The following ARPP21 variants were observed in gnomAD, a reference collection of about 807,000 sequenced individuals.
The protein encoded by ARPP21 is cAMP-regulated phosphoprotein 21.
Under a neutral mutation model 113.2 loss-of-function variants are expected in ARPP21, and 69 were observed. The ratio of observed to expected loss-of-function variants is 0.61; its 90% CI spans 0.50 to 0.74. The LOEUF (loss-of-function observed/expected upper bound fraction) is 0.74, where lower values mean the gene tolerates loss of function less well. Ranked by LOEUF, ARPP21 falls within the 30% of genes least tolerant of loss-of-function variation. The pLI is 0.00. For missense variants in ARPP21, 1,070 were observed against 1,037.4 expected, an observed-to-expected ratio of 1.03 and a Z score of -0.43; for synonymous variants, 368 against 375.5, an observed-to-expected ratio of 0.98 and a Z score of 0.23.
chr3:35,778,633 A>G (rs2096447404), intron 19 of ARPP21, among the ~76,000 whole-genome samples: 1 of 152,040 alleles, frequency 6.6e-6, no homozygotes, highest in Admixed American at 6.5e-5. Context: ...AAACCTCTTC[A>G]ATTGAATCAT....
Position 35,739,479 on chromosome 3 carries a change from A to G in ARPP21, c.1912A>G (p.Thr638Ala). 1 of 1,614,080 alleles carries G rather than the reference A, an allele frequency of 6.2e-7. No homozygotes were observed. The highest frequency in any genetic ancestry group is 8.5e-7 in the Non-Finnish European group (1 of 1,179,998). ...VIASTGQQLPTGGFSGSGPPI... is the reference protein window; with the variant it reads ...VIASTGQQLPAGGFSGSGPPI... The stretch of plus-strand genomic sequence containing the variant: ...CGCCTCTACAGGCCAGCAGCTTCCT[A>G]CAGGAGGATTCTCAGGCTCTGGCCC... The change falls in exon 18 of 21, where the codon ACA (threonine) becomes GCA (alanine). Residue 638 changes from threonine to alanine, a missense_variant. By Grantham distance (58) the Thr-to-Ala change is moderately conservative (BLOSUM62 0). Coordinates refer to ENST00000684406, the MANE Select transcript of ARPP21 (RefSeq NM_001385562.1).
chr3:35,776,713 C>G (rs1012126561), intron 19 of ARPP21, among the ~76,000 whole-genome samples: 1 of 152,100 alleles, frequency 6.6e-6, no homozygotes, highest in Non-Finnish European at 1.5e-5. Flanking sequence ...CCTCAATTTT[C>G]TCCGAATACT....
At chr3:35,662,002 C>T (rs1437710806) in intron 1 of ARPP21, among the ~76,000 whole-genome samples, 3 of 152,042 alleles carry the variant, frequency 2.0e-5, no homozygotes, top group African/African-American at 2.4e-5. Context: ...ATATAATTTT[C>T]GGAGGTGTTC....
rs1367877870 is a variant in ARPP21, at chr3:35,729,956, G to A, written c.1459+420G>A. ...GTTTTTGCATCCAAGGATCTTTCTG[G>A]AATTGAAGTATCAGTTGAGACATAT... On this transcript the variant is annotated intron_variant, in intron 15 of 20. Transcript: ENST00000684406. Among the ~76,000 whole-genome samples, 13 of 152,164 alleles carry A rather than the reference G, an allele frequency of 8.5e-5. No individual in the cohort carries two copies. In the East Asian group the frequency reaches 2.5e-3, roughly 29 times the overall value.
Position 35,737,365 on chromosome 3 carries a change from A to C in ARPP21, c.1644+3A>C. On this transcript the variant is annotated splice_donor_region_variant and intron_variant, in intron 16 of 20. Coordinates refer to ENST00000684406, the MANE Select transcript of ARPP21 (RefSeq NM_001385562.1). ...TGGCAGGCCCTCTGGTCACTCAGGT[A>C]GGGGGCTGGTTGGAAGGCAGGGAAG... The C allele has an allele frequency of 6.3e-7, 1 of 1,599,932 alleles. No individual in the cohort carries two copies. Among genetic ancestry groups the C allele is most frequent in the Non-Finnish European group, 8.5e-7 (1 of 1,170,550 alleles).
At chr3:35,775,600 A>G (rs1201137021) in intron 19 of ARPP21, among the ~76,000 whole-genome samples, 3 of 152,192 alleles carry the variant, frequency 2.0e-5, no homozygotes. Context: ...TGGTCATCCC[A>G]TATAAAACTG....
At chr3:35,726,685 G>C (rs2093565299) in intron 14 of ARPP21, among the ~76,000 whole-genome samples, 1 of 152,102 alleles carries the variant, frequency 6.6e-6, no homozygotes. Context: ...GGATTGGATT[G>C]TGACACTTCA....
At chr3:35,720,901 A>G (rs2092997855) in intron 13 of ARPP21, among the ~76,000 whole-genome samples, 1 of 152,050 alleles carries the variant, frequency 6.6e-6, no homozygotes, top group African/African-American at 2.4e-5. Context: ...TTCCCCTTGG[A>G]AAGTTTTGTG....
chr3:35,759,992 T>C (rs2095709035), intron 19 of ARPP21, among the ~76,000 whole-genome samples: 1 of 152,080 alleles, frequency 6.6e-6, no homozygotes, highest in Non-Finnish European at 1.5e-5. Context: ...GTTCTTCCCA[T>C]GTCGAGCCAC....
intron 19 of ARPP21, among the ~76,000 whole-genome samples, chr3:35,790,388 G>C (rs1490072941): frequency 6.6e-6 from 1 of 152,162 alleles, no homozygotes; most frequent in Non-Finnish European, 1.5e-5. Flanking sequence ...AAAGAGCTTG[G>C]TGTGGTTTGG....
At chr3:35,675,530 G>A (rs939697495) in intron 1 of ARPP21, among the ~76,000 whole-genome samples, 1 of 151,830 alleles carries the variant, frequency 6.6e-6, no homozygotes, top group African/African-American at 2.4e-5. Flanking sequence ...CTCTCATTCA[G>A]ATTATTGACA....
At chr3:35,669,064 T>C (rs573304558) in intron 1 of ARPP21, among the ~76,000 whole-genome samples, 1 of 152,268 alleles carries the variant, frequency 6.6e-6, no homozygotes, top group African/African-American at 2.4e-5. Flanking sequence ...AATACATTCC[T>C]CCAAATATTT....
At chr3:35,667,888 A>AG (rs2074922961) in intron 1 of ARPP21, among the ~76,000 whole-genome samples, 1 of 129,754 alleles carries the variant, frequency 7.7e-6, no homozygotes, top group African/African-American at 3.0e-5. Context: ...AAGAAGAAGA[A>AG]GAGGAAGAGG....
At chr3:35,772,567 G>A (rs917122801) in intron 19 of ARPP21, among the ~76,000 whole-genome samples, 3 of 152,106 alleles carry the variant, frequency 2.0e-5, no homozygotes, top group Non-Finnish European at 2.9e-5. Context: ...TGTTTTCTGC[G>A]CTCAGAGATG....
chr3:35,714,295 A>G (rs2150145289), intron 11 of ARPP21, among the ~76,000 whole-genome samples: 1 of 152,358 alleles, frequency 6.6e-6, no homozygotes, highest in East Asian at 1.9e-4. Context: ...GTCTAAATCT[A>G]GCCCATTGGC....
chr3:35,699,715 C>G (rs1207650560), intron 9 of ARPP21, among the ~76,000 whole-genome samples: 5 of 151,626 alleles, frequency 3.3e-5, no homozygotes, highest in African/African-American at 1.2e-4. Context: ...AATTCCCTGT[C>G]AAGTAAACTA....
intron 12 of ARPP21, 125 bp from the exon 13 acceptor site, chr3:35,717,173 A>G: frequency 1.8e-6 from 1 of 564,980 alleles, no homozygotes; most frequent in Non-Finnish European, 3.2e-6. Flanking sequence ...GCAAAATTCA[A>G]CATCATATAA....
At chr3:35,684,679 T>A (rs2080022842) in intron 5 of ARPP21, 1 of 985,162 alleles carries the variant, frequency 1.0e-6, no homozygotes, top group Non-Finnish European at 1.2e-6. Flanking sequence ...TTGGTTTTGC[T>A]TTTTTCCTCT....
rs1379553909 is a variant in ARPP21 at position 35,738,406 on chromosome 3, G to T, written c.1749+88G>T. On this transcript the variant is annotated intron_variant, in intron 17 of 20. Coordinates refer to ENST00000684406, the MANE Select transcript of ARPP21 (RefSeq NM_001385562.1). Reference sequence around the variant, plus strand: ...TTTTTGTGTGCCACTGGCTGACACTGGGGTGGGTGCCCTGGGCTGACTGTG... The same window carrying T: ...TTTTTGTGTGCCACTGGCTGACACTTGGGTGGGTGCCCTGGGCTGACTGTG... 10 of 1,114,036 alleles carry T rather than the reference G, an allele frequency of 9.0e-6. No individual in the cohort carries two copies. In the African/African-American group the frequency reaches 9.3e-5, roughly 10 times the overall value. The allele number at this position is 1,114,036 out of a possible 1,614,324, so 69.0% of individuals were successfully genotyped here. A position where few individuals can be genotyped will look rare whatever the true frequency, so the allele number is the denominator to read the frequency against.
Sources: allele counts gnomAD v4.1 joint callset (sites outside exome capture counted in the v4.1 genomes callset), GRCh38; gene constraint gnomAD v4.1.1; transcripts MANE v1.5; gene names NCBI Gene and HGNC (gene_info 2026-07-23, HGNC 2026-07-21).